SOX5: variants seen among roughly 807,000 people sequenced by gnomAD.
SOX5 encodes SRY-box transcription factor 5.
SOX5 carries 9 observed loss-of-function variants against 92.0 expected under a neutral mutation model. The ratio of observed to expected loss-of-function variants is 0.10; its 90% CI spans 0.06 to 0.17. The LOEUF (loss-of-function observed/expected upper bound fraction) is 0.17. Among genes scored for constraint, SOX5 ranks in the 10% least tolerant of loss-of-function variants. The probability of loss-of-function intolerance (pLI) is 1.00; values close to 1 mark genes in which losing one functional copy is unlikely to be tolerated. For missense variants in SOX5, 642 were observed against 944.5 expected (o/e 0.68, Z 4.20); for synonymous variants, 344 against 336.3 (o/e 1.02, Z -0.25).
chr12:24,176,946 C>T (rs1348232348), intron 4 of SOX5, among the ~76,000 whole-genome samples: 2 of 148,988 alleles, frequency 1.3e-5, no homozygotes, highest in African/African-American at 2.5e-5. Context: ...GTACTTCATA[C>T]TATGTTCAGA....
intron 6 of SOX5, among the ~76,000 whole-genome samples, chr12:23,734,150 A>T (rs1593810163): frequency 6.6e-6 from 1 of 152,302 alleles, no homozygotes; most frequent in African/African-American, 2.4e-5. Context: ...TTATTATTGC[A>T]AATTTCCAAA....
At chr12:23,554,455 T>C (rs914564645) in intron 11 of SOX5, among the ~76,000 whole-genome samples, 11 of 152,140 alleles carry the variant, frequency 7.2e-5, no homozygotes, top group Admixed American at 2.6e-4. Context: ...TCCCTCTCCA[T>C]ATTCCGTTAG....
At chr12:23,777,408 A>C (rs931549781) in intron 3 of SOX5, among the ~76,000 whole-genome samples, 15 of 152,186 alleles carry the variant, frequency 9.9e-5, no homozygotes, top group African/African-American at 3.6e-4. Flanking sequence ...CAAAAGTTAC[A>C]GGGAACTAGG....
intron 2 of SOX5, among the ~76,000 whole-genome samples, chr12:24,284,453 T>TGC (rs1555213224): frequency 2.6e-5 from 4 of 151,356 alleles, no homozygotes; most frequent in Admixed American, 6.6e-5. Context: ...TGTGTGTGTG[T>TGC]GCGTGTCTTT....
At position 24,030,281 on chromosome 12, in the gene SOX5, C is replaced by G. The variant is rs1016364085; in HGVS notation, c.-1-134257G>C. Among the ~76,000 whole-genome samples the G allele has an allele frequency of 6.6e-5, 10 of 151,958 alleles. No homozygotes were observed. The South Asian group carries it at 2.1e-3, about 31-fold the overall frequency. ...AGAACATACTGAAAGCATCATACTA[C>G]CTAACTTTAAAATATACTACAAAGT... On this transcript the variant is annotated intron_variant, in intron 4 of 4. Transcript: ENST00000446891.
At chr12:23,648,903 T>C (rs2081210487) in intron 7 of SOX5, among the ~76,000 whole-genome samples, 1 of 152,174 alleles carries the variant, frequency 6.6e-6, no homozygotes, top group Non-Finnish European at 1.5e-5. Flanking sequence ...TAATCATATA[T>C]AGTTTCAAAT....
At chr12:24,310,061 T>A (rs1329903789) in intron 2 of SOX5, among the ~76,000 whole-genome samples, 2 of 152,174 alleles carry the variant, frequency 1.3e-5, no homozygotes, top group Non-Finnish European at 2.9e-5. Context: ...AAAGATCAAG[T>A]GACACTTCCC....
chr12:24,020,396 A>C (rs1267099639), intron 4 of SOX5, among the ~76,000 whole-genome samples: 1 of 152,214 alleles, frequency 6.6e-6, no homozygotes, highest in Non-Finnish European at 1.5e-5. Context: ...CTCCCAGCTC[A>C]GAATTAACAA....
intron 1 of SOX5, among the ~76,000 whole-genome samples, chr12:23,939,125 C>T (rs953603979): frequency 6.6e-5 from 10 of 150,920 alleles, no homozygotes; most frequent in East Asian, 1.9e-4. Context: ...CATTCATAGA[C>T]GCATGGCTGA....
chr12:24,274,123 T>C (rs151101222), intron 3 of SOX5, among the ~76,000 whole-genome samples: 1 of 152,208 alleles, frequency 6.6e-6, no homozygotes, highest in Non-Finnish European at 1.5e-5. Context: ...AGGTTCTACA[T>C]ATATCCATAA....
intron 4 of SOX5, among the ~76,000 whole-genome samples, chr12:24,116,403 A>G (rs1948001204): frequency 6.6e-6 from 1 of 151,488 alleles, no homozygotes; most frequent in Admixed American, 6.6e-5. Flanking sequence ...TAAATGAAGT[A>G]GAGATGAGAA....
chr12:24,435,789 G>A (rs1939310326), intron 1 of SOX5, among the ~76,000 whole-genome samples: 2 of 151,856 alleles, frequency 1.3e-5, no homozygotes, highest in Non-Finnish European at 2.9e-5. Context: ...TTAACAAATT[G>A]AAGGTTTGTG....
At chr12:24,000,697 C>A (rs1220123370) in intron 4 of SOX5, among the ~76,000 whole-genome samples, 1 of 152,004 alleles carries the variant, frequency 6.6e-6, no homozygotes, top group Non-Finnish European at 1.5e-5. Context: ...GTATATCCAA[C>A]CCTATAATAA....
chr12:23,900,247 A>G (rs2097217009), intron 1 of SOX5, among the ~76,000 whole-genome samples: 1 of 152,230 alleles, frequency 6.6e-6, no homozygotes, highest in Admixed American at 6.5e-5. Context: ...ACTTGTAAAA[A>G]GCAACTTGCT....
At chr12:24,026,482 G>A (rs905050350) in intron 4 of SOX5, among the ~76,000 whole-genome samples, 1 of 151,458 alleles carries the variant, frequency 6.6e-6, no homozygotes, top group African/African-American at 2.4e-5. Flanking sequence ...AGGTGTGGTG[G>A]CTCACATCTG....
At chr12:23,673,778 G>C (rs2085192359) in intron 6 of SOX5, among the ~76,000 whole-genome samples, 1 of 151,902 alleles carries the variant, frequency 6.6e-6, no homozygotes, top group African/African-American at 2.4e-5. Flanking sequence ...GATGAACTGG[G>C]GACACAGGTA....
At chr12:23,940,141 CATTTAACCATATATA>C (rs1308606406) in intron 1 of SOX5, among the ~76,000 whole-genome samples, 1 of 151,130 alleles carries the variant, frequency 6.6e-6, no homozygotes, top group Non-Finnish European at 1.5e-5. Flanking sequence ...GTGTCTTGTT[CATTTAACCATATATA>C]ATTTATCTTT....
chr12:24,524,345 A>G (rs1256403898), intron 1 of SOX5, among the ~76,000 whole-genome samples: 4 of 65,542 alleles, frequency 6.1e-5, no homozygotes, highest in Admixed American at 1.6e-4. Flanking sequence ...CCTCCCATCT[A>G]TCTATCTATC....
chr12:23,743,120 A>G (rs2093857957), intron 4 of SOX5, among the ~76,000 whole-genome samples: 1 of 152,182 alleles, frequency 6.6e-6, no homozygotes, highest in African/African-American at 2.4e-5. Flanking sequence ...AAGAAAATTT[A>G]ATGACATGGG....
Sources: allele counts gnomAD v4.1 joint callset (sites outside exome capture counted in the v4.1 genomes callset), GRCh38; gene constraint gnomAD v4.1.1; transcripts MANE v1.5; gene names NCBI Gene and HGNC (gene_info 2026-07-23, HGNC 2026-07-21).